Variants in PAPPA2 observed in about 807,000 individuals in gnomAD.
The protein encoded by PAPPA2 is pappalysin 2.
PAPPA2 carries 86 observed loss-of-function variants against 176.4 expected under a neutral mutation model. That is an observed-to-expected ratio of 0.49 (90% CI 0.41 to 0.58). The LOEUF is 0.58. PAPPA2 is among the 20% of genes least tolerant of loss of function. The pLI is 0.00. For synonymous variants in PAPPA2, 809 were observed against 852.2 expected, an observed-to-expected ratio of 0.95 and a Z score of 0.88; for missense variants, 2,073 against 2,256.9, an observed-to-expected ratio of 0.92 and a Z score of 1.65.
chr1:176,576,761 C>T (rs539274039), intron 2 of PAPPA2, among the ~76,000 whole-genome samples: 5 of 152,214 alleles, frequency 3.3e-5, no homozygotes, highest in East Asian at 1.9e-4. Context: ...AATCAGAATC[C>T]GCATTTATTC....
chr1:176,695,960 A>T, intron 7 of PAPPA2, 101 bp downstream of exon 7: 8 of 1,184,728 alleles, frequency 6.8e-6, no homozygotes, highest in African/African-American at 3.5e-5. Context: ...AAGGCAATGT[A>T]TGTGTATGTG....
intron 3 of PAPPA2, among the ~76,000 whole-genome samples, chr1:176,664,411 C>T (rs1432435018): frequency 1.3e-5 from 2 of 152,184 alleles, no homozygotes; most frequent in Non-Finnish European, 2.9e-5. Context: ...GTCTCTGATC[C>T]TGTTTCCATC....
At chr1:176,820,764 T>A (rs1430323886) in intron 21 of PAPPA2, among the ~76,000 whole-genome samples, 2 of 152,086 alleles carry the variant, frequency 1.3e-5, no homozygotes, top group Non-Finnish European at 2.9e-5. Flanking sequence ...TTGTTGTTAT[T>A]GTTATTGCAA....
chr1:176,742,010 A>G (rs1662701090), intron 14 of PAPPA2, among the ~76,000 whole-genome samples: 1 of 152,156 alleles, frequency 6.6e-6, no homozygotes, highest in South Asian at 2.1e-4. Flanking sequence ...ACTTCAACTC[A>G]TACTCTACCA....
intron 12 of PAPPA2, among the ~76,000 whole-genome samples, chr1:176,715,846 C>T (rs561634391): frequency 1.3e-5 from 2 of 152,126 alleles, no homozygotes; most frequent in Admixed American, 1.3e-4. Context: ...ACAGATTAGG[C>T]ATTAAAGGGA....
intron 3 of PAPPA2, among the ~76,000 whole-genome samples, chr1:176,629,408 G>A (rs1656219841): frequency 6.6e-6 from 1 of 152,192 alleles, no homozygotes; most frequent in Admixed American, 6.5e-5. Context: ...CATGCAGGTT[G>A]GCAGGTGGGC....
intron 21 of PAPPA2, among the ~76,000 whole-genome samples, chr1:176,816,152 GTA>G (rs373739173): frequency 0.15 from 6,436 of 41,816 alleles, 291 homozygotes; most frequent in Middle Eastern, 0.35. Flanking sequence ...CTTTCACAGT[GTA>G]TATATATATA....
At chr1:176,575,741 G>A (rs1652605079) in intron 2 of PAPPA2, among the ~76,000 whole-genome samples, 1 of 152,194 alleles carries the variant, frequency 6.6e-6, no homozygotes, top group South Asian at 2.1e-4. Context: ...TTCAAATGAG[G>A]TAGATATATC....
intron 21 of PAPPA2, 39 bp downstream of exon 21, chr1:176,800,171 C>T (rs1455142976): frequency 6.3e-7 from 1 of 1,599,600 alleles, no homozygotes; most frequent in Non-Finnish European, 8.6e-7. Flanking sequence ...GACTAGAGAA[C>T]TCAGGTGGAT....
intron 4 of PAPPA2, among the ~76,000 whole-genome samples, chr1:176,675,604 G>T (rs1216698506): frequency 1.3e-5 from 2 of 151,996 alleles, no homozygotes; most frequent in Non-Finnish European, 2.9e-5. Context: ...AAAATAAAGT[G>T]CTGTGAAAAT....
intron 1 of PAPPA2, among the ~76,000 whole-genome samples, chr1:176,541,177 A>G (rs996664066): frequency 1.3e-5 from 2 of 152,182 alleles, no homozygotes; most frequent in African/African-American, 4.8e-5. Context: ...TATATAGGGG[A>G]CACACAGTTC....
At chr1:176,793,211 G>A (rs941169886) in intron 19 of PAPPA2, among the ~76,000 whole-genome samples, 3 of 152,168 alleles carry the variant, frequency 2.0e-5, no homozygotes, top group Non-Finnish European at 4.4e-5. Context: ...TGTCTAGCTA[G>A]AGTCCTGGAG....
chr1:176,558,571 G>C (rs1393953191), intron 2 of PAPPA2, among the ~76,000 whole-genome samples: 1 of 152,136 alleles, frequency 6.6e-6, no homozygotes, highest in African/African-American at 2.4e-5. Flanking sequence ...TTTTGGGTGG[G>C]AGAGGGAGTG....
intron 21 of PAPPA2, among the ~76,000 whole-genome samples, 159 bp downstream of exon 21, chr1:176,800,291 A>T (rs1455582341): frequency 6.6e-6 from 1 of 152,220 alleles, no homozygotes; most frequent in Non-Finnish European, 1.5e-5. Flanking sequence ...TTAAATTTAC[A>T]GAAATTAGGA....
chr1:176,525,625 T>C (rs1649459650), intron 1 of PAPPA2, among the ~76,000 whole-genome samples: 1 of 152,192 alleles, frequency 6.6e-6, no homozygotes, highest in African/African-American at 2.4e-5. Context: ...ACAATTCTGA[T>C]ATACAGACAG....
intron 3 of PAPPA2, among the ~76,000 whole-genome samples, chr1:176,623,618 C>CCTTCCTTCCTTCCTTA (rs1655742317): frequency 1.3e-5 from 1 of 75,276 alleles, no homozygotes; most frequent in African/African-American, 5.9e-5. Context: ...TTCCTTCCTT[C>CCTTCCTTCCTTCCTTA]CTTCCTTTTT....
chr1:176,546,793 C>T (rs909353736), intron 1 of PAPPA2, among the ~76,000 whole-genome samples: 2 of 152,130 alleles, frequency 1.3e-5, no homozygotes, highest in African/African-American at 4.8e-5. Flanking sequence ...AGTAACATGA[C>T]TTAATAAATT....
intron 1 of PAPPA2, among the ~76,000 whole-genome samples, chr1:176,530,409 A>G (rs1166107001): frequency 1.3e-5 from 2 of 152,216 alleles, no homozygotes; most frequent in African/African-American, 4.8e-5. Context: ...AGCAAGGGCC[A>G]AGCCAATTAG....
chr1:176,480,850 G>A (rs985139342), intron 1 of PAPPA2, among the ~76,000 whole-genome samples: 1 of 151,316 alleles, frequency 6.6e-6, no homozygotes, highest in Non-Finnish European at 1.5e-5. Flanking sequence ...CAGACCAGAC[G>A]AAAACACTAA....
Sources: gnomAD v4.1 joint callset for allele counts (sites outside exome capture counted in the v4.1 genomes callset) on GRCh38, gnomAD v4.1.1 for gene constraint, MANE v1.5 for transcripts, NCBI Gene and HGNC (gene_info 2026-07-23, HGNC 2026-07-21) for gene names.